The following EDIL3 variants were observed in gnomAD, a reference collection of about 807,000 sequenced individuals.
EDIL3 encodes EGF like and discoidin domains 3, also known as EGF-like repeat and discoidin I-like domain-containing protein 3.
In EDIL3, 37 loss-of-function variants were observed where a neutral mutation model predicts 67.4. The observed-to-expected ratio is 0.55, with a 90% CI of 0.42 to 0.72. EDIL3 has a LOEUF of 0.72. Ranked by LOEUF, EDIL3 falls within the 30% of genes least tolerant of loss-of-function variation. EDIL3 has a pLI of 0.00. For missense variants in EDIL3, 527 were observed against 586.3 expected (o/e 0.90, Z 1.04); for synonymous variants, 195 against 196.3 (o/e 0.99, Z 0.05).
At chr5:84,318,072 G>A (rs1389425525) in intron 1 of EDIL3, among the ~76,000 whole-genome samples, 1 of 152,044 alleles carries the variant, frequency 6.6e-6, no homozygotes, top group Non-Finnish European at 1.5e-5. Flanking sequence ...GCTATTAAGA[G>A]AATAAAATAC....
chr5:84,237,078 TC>T (rs995445411), intron 2 of EDIL3, among the ~76,000 whole-genome samples: 5 of 152,052 alleles, frequency 3.3e-5, no homozygotes, highest in Non-Finnish European at 5.9e-5. Flanking sequence ...GGTCACAGCA[TC>T]CATGTTATTT....
At chr5:84,094,970 A>C (rs192710279) in intron 6 of EDIL3, among the ~76,000 whole-genome samples, 144 of 152,308 alleles carry the variant, frequency 9.5e-4, no homozygotes, top group African/African-American at 3.4e-3. Context: ...TTCATGGGTT[A>C]CTTATTTCCC....
intron 9 of EDIL3, among the ~76,000 whole-genome samples, chr5:83,966,036 C>T (rs912633297): frequency 2.0e-5 from 3 of 152,056 alleles, no homozygotes; most frequent in African/African-American, 4.8e-5. Flanking sequence ...TAGAATGATT[C>T]TAGAAAAGCC....
chr5:84,027,773 A>T (rs1326221863), intron 9 of EDIL3, among the ~76,000 whole-genome samples: 1 of 152,094 alleles, frequency 6.6e-6, no homozygotes, highest in South Asian at 2.1e-4. Flanking sequence ...AGTATAAATG[A>T]TATTGCAGAG....
intron 2 of EDIL3, among the ~76,000 whole-genome samples, chr5:84,247,162 GA>G: frequency 6.6e-6 from 1 of 152,134 alleles, no homozygotes; most frequent in African/African-American, 2.4e-5. Flanking sequence ...GTAACTTCTA[GA>G]AAAATGGATT....
intron 4 of EDIL3, among the ~76,000 whole-genome samples, chr5:84,171,692 A>T (rs1474171603): frequency 1.3e-5 from 2 of 152,150 alleles, no homozygotes; most frequent in Non-Finnish European, 2.9e-5. Context: ...TTTCTCTTTG[A>T]CTATTTCTGT....
intron 9 of EDIL3, among the ~76,000 whole-genome samples, chr5:84,033,526 C>T (rs192971948): frequency 7.9e-5 from 12 of 151,880 alleles, no homozygotes; most frequent in Admixed American, 3.3e-4. Context: ...CATGACAAAA[C>T]CCCGTCTCTA....
chr5:84,252,554 A>G (rs950004664), intron 2 of EDIL3, among the ~76,000 whole-genome samples: 1 of 149,030 alleles, frequency 6.7e-6, no homozygotes, highest in Non-Finnish European at 1.5e-5. Context: ...TCATTTACCT[A>G]CATTTGTTTC....
chr5:84,026,482 A>G (rs907310865), intron 9 of EDIL3, among the ~76,000 whole-genome samples: 2 of 151,680 alleles, frequency 1.3e-5, no homozygotes, highest in African/African-American at 4.8e-5. Context: ...ATTTTTTTTC[A>G]TGGAGTTTTA....
chr5:84,245,933 A>G (rs905508811), intron 2 of EDIL3, among the ~76,000 whole-genome samples: 4 of 140,908 alleles, frequency 2.8e-5, no homozygotes, highest in Admixed American at 7.3e-5. Flanking sequence ...AAAAAAAAAA[A>G]TCTAAGTTTT....
chr5:84,051,853 G>A (rs765728170), intron 9 of EDIL3, among the ~76,000 whole-genome samples: 2 of 152,200 alleles, frequency 1.3e-5, no homozygotes, highest in Non-Finnish European at 2.9e-5. Flanking sequence ...TGAAAGTGAC[G>A]GGGAGAATGG....
intron 1 of EDIL3, among the ~76,000 whole-genome samples, chr5:84,354,055 T>C (rs1212661053): frequency 5.9e-5 from 9 of 152,160 alleles, no homozygotes; most frequent in African/African-American, 2.2e-4. Context: ...AACAAATACT[T>C]ATGTAATAAG....
chr5:84,105,236 A>G (rs528724638), intron 6 of EDIL3, among the ~76,000 whole-genome samples: 34 of 152,212 alleles, frequency 2.2e-4, no homozygotes, highest in Admixed American at 1.4e-3. Flanking sequence ...TTCATTTTGC[A>G]CATGTTGCTA....
At chr5:84,165,391 C>A (rs758573268) in intron 4 of EDIL3, among the ~76,000 whole-genome samples, 3 of 152,102 alleles carry the variant, frequency 2.0e-5, no homozygotes, top group Non-Finnish European at 4.4e-5. Flanking sequence ...CCATCTTCTA[C>A]CTGTGTTTTA....
At chr5:84,117,017 C>CTTTTTT (rs1165510374) in intron 5 of EDIL3, among the ~76,000 whole-genome samples, 32 of 93,096 alleles carry the variant, frequency 3.4e-4, no homozygotes, top group East Asian at 4.1e-4. Flanking sequence ...AAGTTAAGTA[C>CTTTTTT]TTATTTTTTT....
intron 6 of EDIL3, among the ~76,000 whole-genome samples, chr5:84,083,048 C>T (rs1458520229): frequency 6.6e-6 from 1 of 152,310 alleles, no homozygotes; most frequent in South Asian, 2.1e-4. Flanking sequence ...GCTGCTTATA[C>T]ATTTCTATAG....
chr5:83,952,961 G>A (rs1485168298), intron 10 of EDIL3, among the ~76,000 whole-genome samples: 1 of 151,806 alleles, frequency 6.6e-6, no homozygotes, highest in Non-Finnish European at 1.5e-5. Context: ...CTCATGATGA[G>A]GGGAAAAGAG....
At chr5:84,304,540 G>C (rs1439018036) in intron 1 of EDIL3, among the ~76,000 whole-genome samples, 1 of 152,106 alleles carries the variant, frequency 6.6e-6, no homozygotes, top group Admixed American at 6.5e-5. Context: ...GAATTCTAGA[G>C]AAAAAAGTTC....
chr5:83,950,133 G>A (rs1744392603), intron 10 of EDIL3, among the ~76,000 whole-genome samples: 2 of 147,620 alleles, frequency 1.4e-5, no homozygotes, highest in South Asian at 2.1e-4. Context: ...CAAGACAACT[G>A]AAAGCTCATT....
Sources: allele counts gnomAD v4.1 joint callset (sites outside exome capture counted in the v4.1 genomes callset), GRCh38; gene constraint gnomAD v4.1.1; transcripts MANE v1.5; gene names NCBI Gene and HGNC (gene_info 2026-07-23, HGNC 2026-07-21).